Variants in PRKCB observed in about 807,000 individuals in gnomAD.
PRKCB encodes protein kinase C beta.
In PRKCB, 13 loss-of-function variants were observed where a neutral mutation model predicts 81.5. That is an observed-to-expected ratio of 0.16 (90% CI 0.10 to 0.25). PRKCB has a LOEUF of 0.25. Among genes scored for constraint, PRKCB ranks in the 10% least tolerant of loss-of-function variants. The probability of loss-of-function intolerance (pLI) is 1.00; values close to 1 mark genes in which losing one functional copy is unlikely to be tolerated. For missense variants in PRKCB, 509 were observed against 875.7 expected (o/e 0.58, Z 5.29); for synonymous variants, 335 against 321.4 (o/e 1.04, Z -0.45).
At chr16:23,979,037 G>C (rs989027262) in intron 2 of PRKCB, among the ~76,000 whole-genome samples, 1 of 152,118 alleles carries the variant, frequency 6.6e-6, no homozygotes, top group African/African-American at 2.4e-5. Flanking sequence ...GGCCGCATGG[G>C]GTGAGCAGAA....
chr16:24,108,848 G>C (rs1352929564), intron 7 of PRKCB, among the ~76,000 whole-genome samples: 40 of 151,966 alleles, frequency 2.6e-4, no homozygotes, highest in Non-Finnish European at 4.3e-4. Flanking sequence ...ATCCTGGCCC[G>C]TTCTCAATGA....
chr16:23,842,111 G>A lies in PRKCB; in HGVS notation c.205+4705G>A, dbSNP rs139978208. Among the ~76,000 whole-genome samples the A allele has an allele frequency of 2.3e-4, 35 of 152,254 alleles. No homozygotes were observed. The East Asian group carries it at 6.2e-3, about 27-fold the overall frequency. On this transcript the variant is annotated intron_variant, in intron 2 of 16. Coordinates refer to ENST00000643927, the MANE Select transcript of PRKCB (RefSeq NM_002738.7). ...TGTTTTTGTAAAGGAAGTGACTTTG[G>A]TAGAAATAGAGAGGCAATAAAATAT...
At chr16:24,037,562 T>TGTTTA (rs1050010070) in intron 5 of PRKCB, among the ~76,000 whole-genome samples, 1 of 152,188 alleles carries the variant, frequency 6.6e-6, no homozygotes, top group East Asian at 1.9e-4. Flanking sequence ...GTTACTTTTT[T>TGTTTA]GTTTAGTTTA....
rs1597201289 is a variant in PRKCB at position 23,836,484 on chromosome 16, A to G, written c.173+136A>G. On this transcript the variant is annotated intron_variant, in intron 1 of 16. Transcript: ENST00000643927. ...CGCGTCTCCGGACTCCCGGCTCCGG[A>G]CCCTGCTGCCCGGGACTCCCGGATG... The G allele has an allele frequency of 7.5e-6, 10 of 1,329,316 alleles. No homozygotes were observed. The East Asian group carries it at 2.6e-4, about 34-fold the overall frequency. The allele number at this position is 1,329,316 out of a possible 1,614,324, so 82.3% of individuals were successfully genotyped here.
intron 16 of PRKCB, among the ~76,000 whole-genome samples, chr16:24,212,917 A>C (rs915811777): frequency 2.6e-5 from 4 of 152,114 alleles, no homozygotes; most frequent in Admixed American, 2.6e-4. Context: ...CATTCAAACC[A>C]GAGACTTCAT....
At chr16:24,069,991 A>G (rs1966087640) in intron 5 of PRKCB, among the ~76,000 whole-genome samples, 1 of 152,168 alleles carries the variant, frequency 6.6e-6, no homozygotes, top group South Asian at 2.1e-4. Context: ...CACCACTGTC[A>G]ATACGACAAA....
intron 16 of PRKCB, among the ~76,000 whole-genome samples, chr16:24,196,188 T>A (rs1548384): frequency 6.6e-6 from 1 of 152,044 alleles, no homozygotes; most frequent in Non-Finnish European, 1.5e-5. Flanking sequence ...GTGCCTAGCA[T>A]AGGGTTTAGC....
intron 2 of PRKCB, among the ~76,000 whole-genome samples, chr16:23,926,384 C>T (rs1048294197): frequency 3.3e-5 from 5 of 151,378 alleles, no homozygotes; most frequent in Non-Finnish European, 7.4e-5. Context: ...CTCAGGAGGC[C>T]GAGGTGGAAG....
intron 5 of PRKCB, among the ~76,000 whole-genome samples, chr16:24,086,173 A>G (rs573068259): frequency 6.6e-6 from 1 of 152,324 alleles, no homozygotes; most frequent in East Asian, 1.9e-4. Context: ...AGAAACCCCC[A>G]GGGTTAGAAG....
chr16:23,879,177 C>G (rs1212745365), intron 2 of PRKCB, among the ~76,000 whole-genome samples: 1 of 144,172 alleles, frequency 6.9e-6, no homozygotes, highest in African/African-American at 2.6e-5. Context: ...GACTCCATCT[C>G]AAAAAAAAAA....
chr16:23,854,893 G>T (rs1008732384), intron 2 of PRKCB, among the ~76,000 whole-genome samples: 1 of 152,132 alleles, frequency 6.6e-6, no homozygotes, highest in East Asian at 1.9e-4. Context: ...GGCCCCAAAT[G>T]AGTGCTCAAC....
intron 2 of PRKCB, among the ~76,000 whole-genome samples, chr16:23,968,014 G>A (rs915489498): frequency 1.3e-5 from 2 of 152,176 alleles, no homozygotes; most frequent in Non-Finnish European, 2.9e-5. Context: ...TCAGTGGGGT[G>A]CATGCTCTCT....
chr16:23,908,681 G>A (rs1367467055), intron 2 of PRKCB, among the ~76,000 whole-genome samples: 1 of 104,202 alleles, frequency 9.6e-6, no homozygotes, highest in Admixed American at 1.0e-4. Flanking sequence ...GCCCACCACC[G>A]TGCCCAGCTA....
At chr16:23,882,008 T>TTCTCTC (rs763413737) in intron 2 of PRKCB, among the ~76,000 whole-genome samples, 3 of 97,814 alleles carry the variant, frequency 3.1e-5, no homozygotes, top group Non-Finnish European at 6.3e-5. Flanking sequence ...CTTTCTTTCT[T>TTCTCTC]TCTTTCTTTC....
chr16:24,001,900 G>A (rs1369295943), intron 3 of PRKCB, among the ~76,000 whole-genome samples: 1 of 152,150 alleles, frequency 6.6e-6, no homozygotes, highest in Non-Finnish European at 1.5e-5. Context: ...CAGGACCAAG[G>A]ACCTCAAAGG....
At chr16:24,192,126 A>G (rs1967802868) in intron 16 of PRKCB, among the ~76,000 whole-genome samples, 1 of 152,220 alleles carries the variant, frequency 6.6e-6, no homozygotes, top group Non-Finnish European at 1.5e-5. Context: ...GAAGATAATA[A>G]TGGTAGTTAT....
chr16:24,185,096 C>G lies in PRKCB; in HGVS notation c.1534-15C>G. On this transcript the variant is annotated splice_polypyrimidine_tract_variant and intron_variant, in intron 13 of 16. Transcript: ENST00000643927. ...AACTGCAAACCTCCCTGATAGGGTG[C>G]CTTCTCTTTTCTAGATAATTGCTTA... The G allele has an allele frequency of 1.2e-6, 2 of 1,610,952 alleles. No individual in the cohort carries two copies. The highest frequency in any genetic ancestry group is 1.7e-6 in the Non-Finnish European group (2 of 1,177,240).
rs1555477164 is a variant in PRKCB, at chr16:23,836,770, G to GGGGGA, written c.173+426_173+427insAGGGG. On this transcript the variant is annotated intron_variant, in intron 1 of 16. Transcript: ENST00000643927. Reference sequence around the variant, plus strand: ...CCTCGCCCCCCACCCCTTGTTTCCGGGGGGGGCGGCGCCCTGGGTGTCCTT... The same window carrying GGGGGA: ...CCTCGCCCCCCACCCCTTGTTTCCGGGGGGAGGGGGGCGGCGCCCTGGGTGTCCTT... Among the ~76,000 whole-genome samples the GGGGGA allele has an allele frequency of 9.9e-5, 15 of 151,320 alleles. 1 individual carries two copies. Among genetic ancestry groups the GGGGGA allele is most frequent in the Admixed American group, 2.0e-4 (3 of 15,240 alleles).
chr16:23,900,718 GTTTTTTTTTTTT>G (rs56897816), intron 2 of PRKCB, among the ~76,000 whole-genome samples: 49 of 62,270 alleles, frequency 7.9e-4, no homozygotes, highest in Non-Finnish European at 1.1e-3. Flanking sequence ...AGCTGCACAG[GTTTTTTTTTTTT>G]TTTTTTTTTT....
Sources: gnomAD v4.1 joint callset for allele counts (sites outside exome capture counted in the v4.1 genomes callset) on GRCh38, gnomAD v4.1.1 for gene constraint, MANE v1.5 for transcripts, NCBI Gene and HGNC (gene_info 2026-07-23, HGNC 2026-07-21) for gene names.